Variants in CSMD1 observed in about 807,000 individuals in gnomAD.
The protein encoded by CSMD1 is CUB and sushi domain-containing protein 1.
Under a neutral mutation model 417.5 loss-of-function variants are expected in CSMD1, and 213 were observed. The ratio of observed to expected loss-of-function variants is 0.51; its 90% CI spans 0.46 to 0.57. The LOEUF (loss-of-function observed/expected upper bound fraction) is 0.57, where lower values mean the gene tolerates loss of function less well. Ranked by LOEUF, CSMD1 falls within the 20% of genes least tolerant of loss-of-function variation. The probability of loss-of-function intolerance (pLI) is 0.00; values close to 1 mark genes in which losing one functional copy is unlikely to be tolerated. For missense variants in CSMD1, 6,923 were observed against 4,529.7 expected, an observed-to-expected ratio of 1.53 and a Z score of -15.17; for synonymous variants, 2,862 against 1,736.8, an observed-to-expected ratio of 1.65 and a Z score of -16.11.
At chr8:4,963,516 C>T (rs1268133267) in intron 1 of CSMD1, among the ~76,000 whole-genome samples, 1 of 152,098 alleles carries the variant, frequency 6.6e-6, no homozygotes, top group East Asian at 1.9e-4. Context: ...TCACTTTCTA[C>T]CTCCTAGAAA....
intron 3 of CSMD1, among the ~76,000 whole-genome samples, chr8:4,260,541 G>C (rs942298275): frequency 6.6e-6 from 1 of 152,138 alleles, no homozygotes; most frequent in South Asian, 2.1e-4. Context: ...CACATAGCCA[G>C]AATACCTGGA....
intron 3 of CSMD1, among the ~76,000 whole-genome samples, chr8:4,206,991 A>T (rs187099205): frequency 6.6e-6 from 1 of 152,314 alleles, no homozygotes; most frequent in Non-Finnish European, 1.5e-5. Flanking sequence ...TAAATCTATA[A>T]AAATGTTTTA....
intron 26 of CSMD1, among the ~76,000 whole-genome samples, chr8:3,239,242 A>G (rs1799343103): frequency 6.6e-6 from 1 of 152,198 alleles, no homozygotes; most frequent in Non-Finnish European, 1.5e-5. Flanking sequence ...ACTGAATACC[A>G]AGAGCCTGAA....
intron 10 of CSMD1, among the ~76,000 whole-genome samples, chr8:3,537,488 G>A (rs991569100): frequency 6.6e-6 from 1 of 152,056 alleles, no homozygotes; most frequent in East Asian, 1.9e-4. Flanking sequence ...GATTTCCTCA[G>A]GAATTTAAGA....
At chr8:4,392,586 C>A (rs1428104186) in intron 3 of CSMD1, among the ~76,000 whole-genome samples, 2 of 151,494 alleles carry the variant, frequency 1.3e-5, no homozygotes, top group Non-Finnish European at 2.9e-5. Flanking sequence ...TGGCTTTCAT[C>A]TGAATTTGCT....
At chr8:4,152,763 T>A (rs1392118198) in intron 3 of CSMD1, among the ~76,000 whole-genome samples, 1 of 151,654 alleles carries the variant, frequency 6.6e-6, no homozygotes, top group African/African-American at 2.4e-5. Flanking sequence ...TATATACATA[T>A]AATCAAATAT....
rs572836689 is a variant in CSMD1, at chr8:4,745,518, A to T, written c.86-107960T>A. Among the ~76,000 whole-genome samples, 136 of 152,306 alleles carry T rather than the reference A, an allele frequency of 8.9e-4. 1 individual carries two copies. The highest frequency in any genetic ancestry group is 3.2e-3 in the African/African-American group (132 of 41,566). ...CTTAGAGTAACTTAACATTTTAAGA[A>T]CCCATTCAGGCTTTTGTTTGTTCAT... On this transcript the variant is annotated intron_variant, in intron 1 of 69. Coordinates refer to ENST00000635120, the MANE Select transcript of CSMD1 (RefSeq NM_033225.6).
rs1023150152 is a variant in CSMD1 at position 3,485,939 on chromosome 8, A to C, written c.1448+7684T>G. Among the ~76,000 whole-genome samples the C allele has an allele frequency of 1.1e-4, 16 of 152,252 alleles. No homozygotes were observed. The East Asian group carries it at 2.9e-3, about 28-fold the overall frequency. On this transcript the variant is annotated intron_variant, in intron 11 of 69. Transcript: ENST00000635120. ...ACATTTCCACTGGAGATCCGGACGA[A>C]GTCTATAAAGATCCCTTCGTATTAA...
intron 20 of CSMD1, among the ~76,000 whole-genome samples, chr8:3,364,052 G>T (rs988254011): frequency 1.8e-4 from 28 of 152,108 alleles, no homozygotes; most frequent in African/African-American, 6.3e-4. Flanking sequence ...TAACAGGAAA[G>T]AAGGCAGATA....
intron 2 of CSMD1, among the ~76,000 whole-genome samples, chr8:4,552,430 T>C (rs1474538471): frequency 6.6e-6 from 1 of 152,128 alleles, no homozygotes; most frequent in Non-Finnish European, 1.5e-5. Flanking sequence ...CATCTCCTAT[T>C]GGTTCAACAA....
At chr8:2,953,984 CAG>C (rs1274063549) in intron 65 of CSMD1, among the ~76,000 whole-genome samples, 1 of 152,248 alleles carries the variant, frequency 6.6e-6, no homozygotes, top group Admixed American at 6.5e-5. Flanking sequence ...TTGAATGAAA[CAG>C]GGTGTGATAA....
At chr8:4,872,631 T>C (rs1802801509) in intron 1 of CSMD1, among the ~76,000 whole-genome samples, 1 of 152,196 alleles carries the variant, frequency 6.6e-6, no homozygotes, top group Non-Finnish European at 1.5e-5. Context: ...TACAGTGGTA[T>C]GAAAACAGTC....
chr8:4,438,417 A>C (rs1053904434), intron 2 of CSMD1, among the ~76,000 whole-genome samples: 11 of 152,174 alleles, frequency 7.2e-5, no homozygotes, highest in African/African-American at 2.7e-4. Flanking sequence ...GTGGATACTT[A>C]AACTCTACCC....
chr8:3,652,582 T>C (rs932152957), intron 7 of CSMD1, among the ~76,000 whole-genome samples: 3 of 152,180 alleles, frequency 2.0e-5, no homozygotes, highest in Non-Finnish European at 4.4e-5. Context: ...AGCAAAGGCA[T>C]GTCGTACACG....
At chr8:4,281,237 G>T (rs1413426260) in intron 3 of CSMD1, among the ~76,000 whole-genome samples, 2 of 152,192 alleles carry the variant, frequency 1.3e-5, no homozygotes, top group African/African-American at 4.8e-5. Flanking sequence ...CCTTAAGTAT[G>T]ATCTCAGGGA....
At chr8:4,254,071 C>G (rs997378184) in intron 3 of CSMD1, among the ~76,000 whole-genome samples, 1 of 151,870 alleles carries the variant, frequency 6.6e-6, no homozygotes, top group African/African-American at 2.4e-5. Context: ...TGCCCACCAC[C>G]ACGCCTGGCT....
At position 3,522,680 on chromosome 8, in the gene CSMD1, T is replaced by C. The variant is rs112226973; in HGVS notation, c.1345-28954A>G. ...GTGACATGTGAGTTTCAGTGAGGAG[T>C]AGATCAGTCGTCCCGGTACATTCAC... On this transcript the variant is annotated intron_variant, in intron 10 of 69. Transcript: ENST00000635120. 3.2e-3 allele frequency among the ~76,000 whole-genome samples: 493 copies of C among 151,960 alleles called. 2 individuals carry two copies. The highest frequency in any genetic ancestry group is 5.7e-3 in the Non-Finnish European group (385 of 67,994).
intron 3 of CSMD1, among the ~76,000 whole-genome samples, chr8:4,362,251 G>C (rs1292111471): frequency 6.6e-6 from 1 of 152,032 alleles, no homozygotes; most frequent in Non-Finnish European, 1.5e-5. Flanking sequence ...TTTTCCATGA[G>C]AGGGGATTTC....
intron 1 of CSMD1, among the ~76,000 whole-genome samples, chr8:4,657,267 G>C (rs1218080288): frequency 2.0e-5 from 3 of 152,194 alleles, no homozygotes; most frequent in African/African-American, 7.2e-5. Context: ...GAAAAACTAA[G>C]GCAGAGTTGT....
Sources: allele counts gnomAD v4.1 joint callset (sites outside exome capture counted in the v4.1 genomes callset), GRCh38; gene constraint gnomAD v4.1.1; transcripts MANE v1.5; gene names NCBI Gene and HGNC (gene_info 2026-07-23, HGNC 2026-07-21).